The following NKD1 variants were observed in gnomAD, a reference collection of about 807,000 sequenced individuals.
The protein encoded by NKD1 is protein naked cuticle homolog 1.
Under a neutral mutation model 56.0 loss-of-function variants are expected in NKD1, and 21 were observed. The ratio of observed to expected loss-of-function variants is 0.38; its 90% confidence interval spans 0.27 to 0.54. The LOEUF (loss-of-function observed/expected upper bound fraction) is 0.54, where lower values mean the gene tolerates loss of function less well. Ranked by LOEUF, NKD1 falls within the 20% of genes least tolerant of loss-of-function variation. NKD1 has a pLI of 0.82. For missense variants in NKD1, 578 were observed against 642.7 expected (o/e 0.90, Z 1.09); for synonymous variants, 263 against 265.7 (o/e 0.99, Z 0.10).
chr16:50,580,118 C>G (rs1350637012), intron 3 of NKD1, among the ~76,000 whole-genome samples: 1 of 152,288 alleles, frequency 6.6e-6, no homozygotes, highest in Admixed American at 6.5e-5. Context: ...ACCCGCTACA[C>G]ATGCACTCTC....
At chr16:50,580,360 C>T (rs534093204) in intron 3 of NKD1, among the ~76,000 whole-genome samples, 66 of 152,356 alleles carry the variant, frequency 4.3e-4, no homozygotes, top group Non-Finnish European at 9.0e-4. Flanking sequence ...GTGCTTAGAG[C>T]GGTGCCTTAG....
chr16:50,590,441 T>G (rs1567342680), intron 3 of NKD1, among the ~76,000 whole-genome samples: 1 of 152,256 alleles, frequency 6.6e-6, no homozygotes, highest in Non-Finnish European at 1.5e-5. Context: ...CTTGAGATGG[T>G]CATCCTTCTT....
intron 3 of NKD1, among the ~76,000 whole-genome samples, chr16:50,560,815 C>T (rs1314575083): frequency 2.2e-5 from 2 of 91,296 alleles, no homozygotes; most frequent in African/African-American, 7.6e-5. Flanking sequence ...CACACCTATA[C>T]CCAAACCCAT....
chr16:50,603,711 C>G (rs926235607), intron 3 of NKD1, among the ~76,000 whole-genome samples: 6 of 152,232 alleles, frequency 3.9e-5, no homozygotes, highest in African/African-American at 1.4e-4. Context: ...CAAACTCCAG[C>G]TCGCTCCCCA....
chr16:50,567,248 T>G (rs1960781114), intron 3 of NKD1, among the ~76,000 whole-genome samples: 1 of 152,234 alleles, frequency 6.6e-6, no homozygotes, highest in South Asian at 2.1e-4. Context: ...AGTGTTAGCA[T>G]GCAGTGAGCA....
rs942934362 is a variant in NKD1, at chr16:50,645,212, G to A, written c.*11431G>A. On this transcript the variant is annotated 3_prime_UTR_variant, in exon 10 of 10. Transcript: ENST00000268459. ...TTGTGGAGCTTTAATCTAGTGTGGG[G>A]GACGGGGGGACTGCTTCCACCCAGA... 2 of 152,298 alleles carry A rather than the reference G, an allele frequency of 1.3e-5. No individual in the cohort carries two copies. Among genetic ancestry groups the A allele is most frequent in the African/African-American group, 2.4e-5 (1 of 41,444 alleles). 9.4% of individuals were successfully genotyped at this position (152,298 alleles called of 1,614,324 possible).
chr16:50,621,443 G>C (rs1962085935), intron 4 of NKD1, among the ~76,000 whole-genome samples, 159 bp from the exon 5 acceptor site: 1 of 152,226 alleles, frequency 6.6e-6, no homozygotes, highest in South Asian at 2.1e-4. Context: ...AGGTGCCAGA[G>C]TAGTGTGATG....
intron 4 of NKD1, among the ~76,000 whole-genome samples, chr16:50,620,612 T>C (rs549421711): frequency 6.6e-5 from 10 of 152,298 alleles, no homozygotes; most frequent in African/African-American, 1.7e-4. Flanking sequence ...TGAGAGGAGC[T>C]GTGAGTGTGG....
chr16:50,571,478 C>G lies in NKD1; in HGVS notation c.192+21923C>G, dbSNP rs542224991. 3.0e-6 allele frequency: 3 copies of G among 985,404 alleles called. No individual in the cohort carries two copies. The South Asian group carries it at 1.4e-4, about 46-fold the overall frequency. The allele number at this position is 985,404 out of a possible 1,614,324, so 61.0% of individuals were successfully genotyped here. A position where few individuals can be genotyped will look rare whatever the true frequency, so the allele number is the denominator to read the frequency against. On this transcript the variant is annotated intron_variant, in intron 3 of 9. Coordinates refer to ENST00000268459, the MANE Select transcript of NKD1 (RefSeq NM_033119.5). The stretch of plus-strand genomic sequence containing the variant: ...CTCCACTCACTGCCGCTCACACACC[C>G]AAACAGCCTGTCGGAAGCAGCCTTC...
chr16:50,549,023 C>G (rs550199473), intron 2 of NKD1: 2 of 597,014 alleles, frequency 3.4e-6, no homozygotes, highest in South Asian at 1.5e-4. Context: ...TCTCTTCAGA[C>G]CCCCAAGCGC....
chr16:50,631,264 G>A (rs1046721534), intron 8 of NKD1, among the ~76,000 whole-genome samples: 1 of 152,110 alleles, frequency 6.6e-6, no homozygotes, highest in African/African-American at 2.4e-5. Context: ...TCCCTTTAGG[G>A]TGGGCCTGGC....
chr16:50,617,860 G>A (rs1005644591), intron 4 of NKD1, among the ~76,000 whole-genome samples: 2 of 152,220 alleles, frequency 1.3e-5, no homozygotes, highest in Non-Finnish European at 1.5e-5. Context: ...TATCCTGGTG[G>A]AAGTAGAGGG....
intron 4 of NKD1, among the ~76,000 whole-genome samples, chr16:50,613,913 A>G (rs1961905618): frequency 6.6e-6 from 1 of 152,180 alleles, no homozygotes; most frequent in African/African-American, 2.4e-5. Flanking sequence ...TTATGCTCTG[A>G]TGAGGAAAAA....
chr16:50,580,607 T>C (rs1033614849), intron 3 of NKD1, among the ~76,000 whole-genome samples: 1 of 152,266 alleles, frequency 6.6e-6, no homozygotes, highest in African/African-American at 2.4e-5. Flanking sequence ...CCTGGTGAGC[T>C]GACTCTAGCT....
chr16:50,597,891 G>T (rs1213190652), intron 3 of NKD1, among the ~76,000 whole-genome samples: 2 of 152,190 alleles, frequency 1.3e-5, no homozygotes, highest in African/African-American at 4.8e-5. Context: ...CCGCCAGTGT[G>T]ACCCTCTTGA....
intron 4 of NKD1, among the ~76,000 whole-genome samples, chr16:50,619,222 G>T (rs1962032502): frequency 6.6e-6 from 1 of 151,952 alleles, no homozygotes; most frequent in Non-Finnish European, 1.5e-5. Context: ...CTGCTTGGGA[G>T]GGGTGAGTAG....
Position 50,601,135 on chromosome 16 carries a change from C to T in NKD1, c.193-7159C>T, listed in dbSNP as rs542521861. Among the ~76,000 whole-genome samples, 95 of 152,336 alleles carry T rather than the reference C, an allele frequency of 6.2e-4. 1 individual carries two copies. The highest frequency in any genetic ancestry group is 2.2e-3 in the African/African-American group (90 of 41,572). ...CTGTCTTCCCTCTCGCCTCAGCCTC[C>T]GCAGCTCTGAGTGGAGTCTGCGGGT... is the stretch of plus-strand genomic sequence containing the variant. On this transcript the variant is annotated intron_variant, in intron 3 of 9. Transcript: ENST00000268459.
chr16:50,573,949 A>G, intron 3 of NKD1: 6 of 985,240 alleles, frequency 6.1e-6, no homozygotes, highest in East Asian at 1.1e-4. Context: ...GTCTCTTTTT[A>G]ACACACATGT....
intron 4 of NKD1, among the ~76,000 whole-genome samples, chr16:50,615,725 T>C (rs1405376163): frequency 3.9e-5 from 6 of 152,240 alleles, no homozygotes; most frequent in Non-Finnish European, 5.9e-5. Context: ...TTTTGGTTTT[T>C]AAGCTCAGTT....
Sources: allele counts gnomAD v4.1 joint callset (sites outside exome capture counted in the v4.1 genomes callset), GRCh38; gene constraint gnomAD v4.1.1; transcripts MANE v1.5; gene names NCBI Gene and HGNC (gene_info 2026-07-23, HGNC 2026-07-21).